Variants in ADGRB3 observed in about 807,000 individuals in gnomAD.
ADGRB3 encodes adhesion G protein-coupled receptor B3, also known as brain-specific angiogenesis inhibitor 3.
Under a neutral mutation model 193.4 loss-of-function variants are expected in ADGRB3, and 37 were observed. That is an observed-to-expected ratio of 0.19 (90% confidence interval 0.15 to 0.25). The LOEUF is 0.25. Among genes scored for constraint, ADGRB3 ranks in the 10% least tolerant of loss-of-function variants. The pLI, the probability that ADGRB3 is intolerant of heterozygous loss-of-function variation, is 1.00. For synonymous variants in ADGRB3, 690 were observed against 644.2 expected (o/e 1.07, Z -1.08); for missense variants, 1,637 against 1,852.9 (o/e 0.88, Z 2.14).
chr6:68,836,285 C>T (rs1246928259), intron 3 of ADGRB3, among the ~76,000 whole-genome samples: 1 of 152,038 alleles, frequency 6.6e-6, no homozygotes, highest in Non-Finnish European at 1.5e-5. Flanking sequence ...TGGTGTGGCA[C>T]TGAAGAGTGT....
At chr6:68,860,780 C>G (rs1765129466) in intron 3 of ADGRB3, among the ~76,000 whole-genome samples, 1 of 152,102 alleles carries the variant, frequency 6.6e-6, no homozygotes, top group Non-Finnish European at 1.5e-5. Context: ...ATTCCTGGGT[C>G]AAATGGTAGT....
At chr6:69,375,728 G>A (rs548694170) in intron 30 of ADGRB3, among the ~76,000 whole-genome samples, 1 of 152,120 alleles carries the variant, frequency 6.6e-6, no homozygotes, top group African/African-American at 2.4e-5. Flanking sequence ...CAGTATCCAT[G>A]CCATGTTAAA....
intron 29 of ADGRB3, among the ~76,000 whole-genome samples, chr6:69,369,987 A>G (rs973095034): frequency 5.3e-5 from 8 of 152,122 alleles, no homozygotes; most frequent in Admixed American, 3.9e-4. Flanking sequence ...GAGTCTGGTA[A>G]CAATTAGCAA....
intron 3 of ADGRB3, among the ~76,000 whole-genome samples, chr6:68,770,344 T>C (rs890253597): frequency 5.9e-5 from 9 of 152,284 alleles, no homozygotes; most frequent in Middle Eastern, 6.8e-3. Context: ...ACTTTGCACA[T>C]TATTTGTTGC....
chr6:69,337,040 C>T (rs1239640162), intron 24 of ADGRB3, among the ~76,000 whole-genome samples: 1 of 152,070 alleles, frequency 6.6e-6, no homozygotes, highest in African/African-American at 2.4e-5. Flanking sequence ...CAAATAAAGA[C>T]AAATAAGCAT....
chr6:69,060,206 GTCTCTCTCTCTCTT>G (rs1771693871), intron 15 of ADGRB3, among the ~76,000 whole-genome samples: 1 of 69,724 alleles, frequency 1.4e-5, no homozygotes. Context: ...CTCTTTCTCT[GTCTCTCTCTCTCTT>G]TCTCTCTCTC....
chr6:68,806,854 T>C (rs567471283), intron 3 of ADGRB3, among the ~76,000 whole-genome samples: 1 of 152,270 alleles, frequency 6.6e-6, no homozygotes, highest in South Asian at 2.1e-4. Context: ...ATTTACTTTG[T>C]TGCAGTTTTA....
At chr6:68,942,038 T>C (rs1187373089) in intron 5 of ADGRB3, among the ~76,000 whole-genome samples, 1 of 151,748 alleles carries the variant, frequency 6.6e-6, no homozygotes, top group Non-Finnish European at 1.5e-5. Flanking sequence ...TACATATTAT[T>C]TTAAAACTAT....
chr6:69,055,119 A>T (rs756756827), intron 15 of ADGRB3, among the ~76,000 whole-genome samples: 39 of 152,146 alleles, frequency 2.6e-4, no homozygotes, highest in Non-Finnish European at 5.1e-4. Flanking sequence ...TCCATTGGTG[A>T]TTTTTCTATA....
chr6:68,886,534 A>T (rs887302785), intron 3 of ADGRB3, among the ~76,000 whole-genome samples: 9 of 152,116 alleles, frequency 5.9e-5, no homozygotes, highest in African/African-American at 1.7e-4. Context: ...AGCACAGTTC[A>T]TTCCCAAACA....
intron 17 of ADGRB3, among the ~76,000 whole-genome samples, chr6:69,119,773 T>C (rs1163947069): frequency 5.3e-5 from 8 of 152,276 alleles, no homozygotes; most frequent in South Asian, 2.1e-4. Flanking sequence ...CCACATCACA[T>C]AGGGCTTTTA....
At chr6:68,718,408 T>A (rs1305259881) in intron 3 of ADGRB3, among the ~76,000 whole-genome samples, 1 of 151,650 alleles carries the variant, frequency 6.6e-6, no homozygotes, top group Non-Finnish European at 1.5e-5. Context: ...AGAAAAAACA[T>A]CCTAGGATAG....
rs528098179 is a variant in ADGRB3 at position 68,771,118 on chromosome 6, G to A, written c.757+131686G>A. Among the ~76,000 whole-genome samples, 23 of 151,978 alleles carry A rather than the reference G, an allele frequency of 1.5e-4. No homozygotes were observed. The South Asian group carries it at 4.4e-3, about 29-fold the overall frequency. On this transcript the variant is annotated intron_variant, in intron 3 of 31. Coordinates refer to ENST00000370598, the MANE Select transcript of ADGRB3 (RefSeq NM_001704.3). ...AGTGCATCCATTAGTGGCTCATATT[G>A]CATTATGTTAATATTTAATTTTAAA...
intron 10 of ADGRB3, 99 bp downstream of exon 10, chr6:68,975,439 A>T (rs1768715407): frequency 4.7e-6 from 4 of 854,074 alleles, no homozygotes; most frequent in Non-Finnish European, 7.2e-6. Flanking sequence ...AATCAGTAAC[A>T]TCTCTAAAAA....
intron 13 of ADGRB3, among the ~76,000 whole-genome samples, chr6:69,030,286 A>C (rs1440307372): frequency 3.3e-5 from 5 of 152,198 alleles, no homozygotes; most frequent in Admixed American, 3.3e-4. Context: ...AGGATTATAA[A>C]TCATTTTACT....
chr6:69,327,374 T>C (rs1263692822), intron 21 of ADGRB3, among the ~76,000 whole-genome samples: 1 of 152,186 alleles, frequency 6.6e-6, no homozygotes, highest in African/African-American at 2.4e-5. Context: ...TGTTTTTTTC[T>C]GTCTTATTAT....
chr6:69,036,182 A>G (rs1255538894), intron 13 of ADGRB3, among the ~76,000 whole-genome samples: 1 of 152,192 alleles, frequency 6.6e-6, no homozygotes, highest in Non-Finnish European at 1.5e-5. Flanking sequence ...ACAGCATTTT[A>G]TACAAGGCAG....
chr6:68,819,775 A>G (rs1400975948), intron 3 of ADGRB3, among the ~76,000 whole-genome samples: 1 of 152,116 alleles, frequency 6.6e-6, no homozygotes, highest in East Asian at 1.9e-4. Context: ...CAAAATAGAT[A>G]AAAGAGTTAA....
chr6:69,303,292 G>GA (rs932507737), intron 20 of ADGRB3, among the ~76,000 whole-genome samples: 2 of 151,708 alleles, frequency 1.3e-5, no homozygotes, highest in Admixed American at 1.3e-4. Flanking sequence ...ATAAAAAAGC[G>GA]AAAAAAATCA....
Sources: allele counts gnomAD v4.1 joint callset (sites outside exome capture counted in the v4.1 genomes callset), GRCh38; gene constraint gnomAD v4.1.1; transcripts MANE v1.5; gene names NCBI Gene and HGNC (gene_info 2026-07-23, HGNC 2026-07-21).